SMG1: variants seen among roughly 807,000 people sequenced by gnomAD.
The protein encoded by SMG1 is SMG1 nonsense mediated mRNA decay associated PI3K related kinase.
Under a neutral mutation model 419.9 loss-of-function variants are expected in SMG1, and 22 were observed. That is an observed-to-expected ratio of 0.05 (90% CI 0.04 to 0.07). SMG1 has a LOEUF of 0.07. Ranked by LOEUF, SMG1 falls within the 10% of genes least tolerant of loss-of-function variation. The probability of loss-of-function intolerance (pLI) is 1.00; values close to 1 mark genes in which losing one functional copy is unlikely to be tolerated. For synonymous variants in SMG1, 1,538 were observed against 1,553.5 expected (o/e 0.99, Z 0.23); for missense variants, 3,185 against 4,342.0 (o/e 0.73, Z 7.49).
At chr16:18,839,023 G>A (rs544159028) in intron 42 of SMG1, among the ~76,000 whole-genome samples, 9 of 151,850 alleles carry the variant, frequency 5.9e-5, no homozygotes, top group South Asian at 2.1e-4. Context: ...TGGTTGAAAC[G>A]GGGTTCAGTG....
At position 18,812,273 on chromosome 16, in the gene SMG1, C is replaced by T. The variant is rs2031485895; in HGVS notation, c.10622-146G>A. On this transcript the variant is annotated intron_variant, in intron 60 of 62. Coordinates refer to ENST00000446231, the MANE Select transcript of SMG1 (RefSeq NM_015092.5). ...CCTTATCCTTGGACACAGCAATTGT[C>T]TTCCTAAAAATGTAGCCTAAAAACA... The T allele has an allele frequency of 1.1e-5, 8 of 731,180 alleles. No individual in the cohort carries two copies. The South Asian group carries it at 1.7e-4, about 16-fold the overall frequency. 45.3% of individuals were successfully genotyped at this position (731,180 alleles called of 1,614,324 possible).
At chr16:18,881,025 G>A (rs1041495389) in intron 10 of SMG1, among the ~76,000 whole-genome samples, 1 of 151,184 alleles carries the variant, frequency 6.6e-6, no homozygotes, top group African/African-American at 2.4e-5. Context: ...GAGTGAGGTG[G>A]GAGGTTCATA....
intron 37 of SMG1, 95 bp downstream of exon 37, chr16:18,847,721 G>T (rs2034348123): frequency 1.2e-5 from 19 of 1,565,716 alleles, no homozygotes; most frequent in Non-Finnish European, 1.6e-5. Context: ...TATACAATTG[G>T]AGAACCCTGA....
intron 5 of SMG1, among the ~76,000 whole-genome samples, chr16:18,889,886 G>A (rs1204116400): frequency 3.9e-5 from 6 of 152,124 alleles, no homozygotes; most frequent in Non-Finnish European, 7.3e-5. Context: ...TCAGAAAAGG[G>A]CAGCAACAAA....
chr16:18,851,323 T>C (rs970789328), intron 33 of SMG1, among the ~76,000 whole-genome samples: 2 of 152,238 alleles, frequency 1.3e-5, no homozygotes, highest in Admixed American at 6.5e-5. Context: ...GGAGAGAGTG[T>C]GAATTATACA....
At chr16:18,833,519 T>C (rs1022291936) in intron 50 of SMG1, among the ~76,000 whole-genome samples, 14 of 152,132 alleles carry the variant, frequency 9.2e-5, no homozygotes, top group Admixed American at 5.2e-4. Flanking sequence ...GATATTAGCA[T>C]TGTTATTCTC....
chr16:18,860,880 A>C (rs1416480176), intron 25 of SMG1, 104 bp from the exon 26 acceptor site: 1 of 564,648 alleles, frequency 1.8e-6, no homozygotes, highest in Non-Finnish European at 3.1e-6. Flanking sequence ...AGCAAAGTAC[A>C]CAGCATTTTT....
chr16:18,831,211 C>T (rs2033151283), intron 51 of SMG1, among the ~76,000 whole-genome samples: 1 of 152,054 alleles, frequency 6.6e-6, no homozygotes, highest in South Asian at 2.1e-4. Context: ...CACACAGAAA[C>T]CATTCCAAAT....
intron 62 of SMG1, among the ~76,000 whole-genome samples, chr16:18,811,127 G>C (rs145747265): frequency 6.6e-6 from 1 of 152,226 alleles, no homozygotes; most frequent in African/African-American, 2.4e-5. Flanking sequence ...GGGACCTGTA[G>C]TTTTAGATTT....
At chr16:18,919,558 A>G (rs1233202622) in intron 1 of SMG1, among the ~76,000 whole-genome samples, 2 of 151,098 alleles carry the variant, frequency 1.3e-5, no homozygotes, top group Admixed American at 1.3e-4. Flanking sequence ...CGGGAAGCAG[A>G]GCTGGCAGTG....
chr16:18,852,001 G>T (rs1477879434), intron 33 of SMG1, 66 bp downstream of exon 33: 19 of 1,496,642 alleles, frequency 1.3e-5, no homozygotes, highest in Non-Finnish European at 1.6e-5. Context: ...AAATATATAT[G>T]ATCAATTTTC....
At position 18,826,759 on chromosome 16, in the gene SMG1, G is replaced by A. The variant is rs1211838365; in HGVS notation, c.9741+1272C>T. ...GAGGTGGAGCCTACAGAGGCAGGCA[G>A]GCCTCCTTGAGCTGTGGTGGGCTCC... is the stretch of plus-strand genomic sequence containing the variant. On this transcript the variant is annotated intron_variant, in intron 55 of 62. Coordinates refer to ENST00000446231, the MANE Select transcript of SMG1 (RefSeq NM_015092.5). 1.6e-3 allele frequency among the ~76,000 whole-genome samples: 36 copies of A among 22,282 alleles called. 3 individuals carry two copies. The highest frequency in any genetic ancestry group is 1.5e-3 in the Non-Finnish European group (13 of 8,942). The allele number at this position is 22,282 out of a possible 152,430, so 14.6% of individuals were successfully genotyped here.
Position 18,847,833 on chromosome 16 carries a change from G to T in SMG1, c.5824C>A (p.Pro1942Thr). 1 of 1,613,864 alleles carries T rather than the reference G, an allele frequency of 6.2e-7. No homozygotes were observed. The highest frequency in any genetic ancestry group is 8.5e-7 in the Non-Finnish European group (1 of 1,179,844). The change falls in exon 37 of 63, where the codon CCC (proline) becomes ACC (threonine). Residue 1942 changes from proline to threonine, a missense_variant. Coordinates refer to ENST00000446231, the MANE Select transcript of SMG1 (RefSeq NM_015092.5). ...CTTTGTACCTGTAATACCATGGTGG[G>T]GTTTGCAGAGGACAGCTTATCTACA... is the stretch of plus-strand genomic sequence containing the variant. ...KIVDKLSSAN[P>T]TMVLQVQMLV... is the part of the protein sequence containing the mutation.
chr16:18,880,721 A>AGCG (rs1555501209), intron 10 of SMG1, among the ~76,000 whole-genome samples: 4 of 63,922 alleles, frequency 6.3e-5, no homozygotes, highest in Admixed American at 2.1e-4. Context: ...CAAAAAAAAA[A>AGCG]GGGGGGGGGC....
rs376057240 is a variant in SMG1, at chr16:18,811,786, T to C, written c.10883A>G (p.Asn3628Ser). Residue 3628 changes from asparagine (N) to serine (S), a missense_variant, in exon 62 of 63, where the codon AAT becomes AGT. Around this residue, in one of 27 missense-constraint regions of SMG1, gnomAD observed 41 missense variants for 78.7 expected, o/e 0.52. Transcript: ENST00000446231. ...CTGTTCAGCAACTGACATCCTCCTA[T>C]TCGGATCAACATCTCGGCCCTCTAA... ...AKLEGRDVDPNRRMSVAEQVD... is the reference protein window; with the variant it reads ...AKLEGRDVDPSRRMSVAEQVD... The C allele has an allele frequency of 6.2e-7, 1 of 1,613,978 alleles. No homozygotes were observed.
intron 26 of SMG1, among the ~76,000 whole-genome samples, chr16:18,860,431 G>T (rs1306238460): frequency 1.3e-5 from 2 of 151,764 alleles, no homozygotes; most frequent in Non-Finnish European, 2.9e-5. Context: ...AAACAAAATG[G>T]CTAGATAAAT....
chr16:18,864,529 ACTGTCACC>A (rs913444426), intron 23 of SMG1, among the ~76,000 whole-genome samples: 25 of 151,054 alleles, frequency 1.7e-4, no homozygotes, highest in African/African-American at 5.4e-4. Flanking sequence ...ACAGAGTCTT[ACTGTCACC>A]CAGGCTGGAG....
At chr16:18,827,948 C>T (rs1326389113) in intron 55 of SMG1, 83 bp downstream of exon 55, 3 of 1,440,308 alleles carry the variant, frequency 2.1e-6, no homozygotes, top group Non-Finnish European at 2.8e-6. Flanking sequence ...AATAGACACA[C>T]TGAACAACAG....
rs1463849879 is a variant in SMG1 at position 18,848,048 on chromosome 16, G to A, written c.5624-15C>T. ...AAATTTATTTCCTGTAATGAAATAG[G>A]AGAACAAGGAATATTTTGAACATTT... On this transcript the variant is annotated splice_polypyrimidine_tract_variant and intron_variant, in intron 36 of 62. Transcript: ENST00000446231. The A allele has an allele frequency of 4.4e-6, 7 of 1,587,838 alleles. No homozygotes were observed. The highest frequency in any genetic ancestry group is 1.8e-4 in the Middle Eastern group (1 of 5,662).
Sources: allele counts gnomAD v4.1 joint callset (sites outside exome capture counted in the v4.1 genomes callset), GRCh38; gene constraint gnomAD v4.1.1; regional missense constraint gnomAD v4.1.1; transcripts MANE v1.5; gene names NCBI Gene and HGNC (gene_info 2026-07-23, HGNC 2026-07-21).